The following CRYL1 variants were observed in gnomAD, a reference collection of about 807,000 sequenced individuals.
CRYL1 encodes the protein lambda-crystallin homolog.
CRYL1 carries 29 observed loss-of-function variants against 36.6 expected under a neutral mutation model. The observed-to-expected ratio is 0.79, with a 90% CI of 0.59 to 1.08. The LOEUF (loss-of-function observed/expected upper bound fraction) is 1.08, where lower values mean the gene tolerates loss of function less well. Ranked by LOEUF, CRYL1 falls within the 50% of genes least tolerant of loss-of-function variation. The pLI, the probability that CRYL1 is intolerant of heterozygous loss-of-function variation, is 0.00. For missense variants in CRYL1, 411 were observed against 407.9 expected (o/e 1.01, Z -0.06); for synonymous variants, 152 against 151.5 (o/e 1.00, Z -0.02).
At chr13:20,420,408 C>CCACT (rs1175201218) in intron 5 of CRYL1, among the ~76,000 whole-genome samples, 7 of 152,110 alleles carry the variant, frequency 4.6e-5, no homozygotes, top group Middle Eastern at 6.8e-3. Context: ...CAGGCTGAGC[C>CCACT]CACTCCCAGA....
chr13:20,404,287 A>G (rs2031307317), intron 7 of CRYL1, 45 bp from the exon 8 acceptor site: 2 of 1,286,598 alleles, frequency 1.6e-6, no homozygotes, highest in East Asian at 4.6e-5. Flanking sequence ...AGAGGAAATA[A>G]TTTATCAAGA....
chr13:20,496,394 T>C (rs1277116440), intron 2 of CRYL1, among the ~76,000 whole-genome samples: 1 of 152,186 alleles, frequency 6.6e-6, no homozygotes, highest in Non-Finnish European at 1.5e-5. Flanking sequence ...CCAAACTTCA[T>C]GAGAACTAGA....
intron 2 of CRYL1, among the ~76,000 whole-genome samples, chr13:20,505,618 C>T (rs2033782917): frequency 6.6e-6 from 1 of 152,124 alleles, no homozygotes; most frequent in Non-Finnish European, 1.5e-5. Flanking sequence ...CCACACGTCA[C>T]TGCATAGTGA....
At chr13:20,427,759 A>C (rs1270471970) in intron 5 of CRYL1, among the ~76,000 whole-genome samples, 1 of 152,068 alleles carries the variant, frequency 6.6e-6, no homozygotes, top group African/African-American at 2.4e-5. Flanking sequence ...AAAATCAATA[A>C]AATTGATAAA....
intron 2 of CRYL1, among the ~76,000 whole-genome samples, chr13:20,500,104 C>T (rs929662670): frequency 6.6e-6 from 1 of 152,220 alleles, no homozygotes; most frequent in Non-Finnish European, 1.5e-5. Flanking sequence ...ATGGCTAACT[C>T]AACATGAAGC....
intron 6 of CRYL1, 40 bp from the exon 7 acceptor site, chr13:20,404,781 A>G: frequency 7.3e-7 from 1 of 1,376,242 alleles, no homozygotes; most frequent in Non-Finnish European, 1.0e-6. Context: ...ATCTCAGAAA[A>G]AAACATTCTT....
intron 3 of CRYL1, among the ~76,000 whole-genome samples, chr13:20,461,400 T>C (rs568673161): frequency 2.6e-5 from 4 of 152,206 alleles, no homozygotes; most frequent in Non-Finnish European, 5.9e-5. Context: ...TCTAGAACAT[T>C]TTAGTATTTC....
chr13:20,497,437 CACA>C (rs1370049695), intron 2 of CRYL1, among the ~76,000 whole-genome samples: 22 of 18,468 alleles, frequency 1.2e-3, no homozygotes, highest in Admixed American at 3.4e-3. Flanking sequence ...CCACCATACA[CACA>C]ACTACACACA....
At chr13:20,522,558 AT>A in intron 1 of CRYL1, among the ~76,000 whole-genome samples, 1 of 152,264 alleles carries the variant, frequency 6.6e-6, no homozygotes, top group South Asian at 2.1e-4. Context: ...CTATCTGTCT[AT>A]TGGGACCACG....
intron 2 of CRYL1, among the ~76,000 whole-genome samples, chr13:20,507,679 G>A (rs2033818875): frequency 6.6e-6 from 1 of 152,196 alleles, no homozygotes; most frequent in African/African-American, 2.4e-5. Flanking sequence ...AGCACTTTGG[G>A]AGGCCAAGGC....
intron 1 of CRYL1, among the ~76,000 whole-genome samples, chr13:20,517,412 C>T (rs538624196): frequency 4.0e-5 from 6 of 151,654 alleles, no homozygotes; most frequent in African/African-American, 7.3e-5. Context: ...CTGGCCAAAA[C>T]GGTGAAACTC....
At chr13:20,431,235 G>A (rs2032051389) in intron 5 of CRYL1, 3 of 985,318 alleles carry the variant, frequency 3.0e-6, no homozygotes, top group Non-Finnish European at 3.6e-6. Flanking sequence ...GGCAAGGCTC[G>A]GTGTGTGTCC....
rs932322241 is a variant in CRYL1 at position 20,432,156 on chromosome 13, G to A, written c.579C>T (p.Phe193=). ...TTGCATATTGCAGGCGGTTCAGAAC[G>A]AAGCCGGCCACCTCCTTCTGGACTC... ...PMRVQKEVAG[F]VLNRLQYAII... The change falls in exon 5 of 8, where the codon TTC becomes TTT. Residue 193 remains phenylalanine (F), a synonymous_variant. Transcript: ENST00000298248. 20 of 1,614,030 alleles carry A rather than the reference G, an allele frequency of 1.2e-5. No homozygotes were observed. Among genetic ancestry groups the A allele is most frequent in the South Asian group, 5.5e-5 (5 of 91,078 alleles).
chr13:20,476,456 C>G (rs568343165), intron 3 of CRYL1, among the ~76,000 whole-genome samples: 2 of 152,288 alleles, frequency 1.3e-5, no homozygotes, highest in Non-Finnish European at 2.9e-5. Context: ...AAAGGCCGCC[C>G]CTTGAAAGAA....
At chr13:20,515,725 G>A (rs2033987816) in intron 1 of CRYL1, 1 of 152,264 alleles carries the variant, frequency 6.6e-6, no homozygotes, top group Non-Finnish European at 1.5e-5. Flanking sequence ...ACTTACCTGA[G>A]GTACCCATAG....
At chr13:20,522,829 G>A (rs762621698) in intron 1 of CRYL1, among the ~76,000 whole-genome samples, 5 of 145,738 alleles carry the variant, frequency 3.4e-5, no homozygotes, top group African/African-American at 5.0e-5. Flanking sequence ...GAAACACAGT[G>A]TTTTATAAAG....
intron 6 of CRYL1, chr13:20,405,837 G>A (rs2031356577): frequency 6.6e-6 from 1 of 152,362 alleles, no homozygotes; most frequent in Non-Finnish European, 1.5e-5. Flanking sequence ...CCAGGGGAAA[G>A]CGCAGGCCAG....
intron 5 of CRYL1, among the ~76,000 whole-genome samples, chr13:20,426,092 A>T (rs987038750): frequency 1.4e-4 from 21 of 152,232 alleles, no homozygotes; most frequent in African/African-American, 5.1e-4. Context: ...GCTGAGGCTA[A>T]GCATGCAAGC....
chr13:20,493,764 G>T (rs113270790), intron 2 of CRYL1, among the ~76,000 whole-genome samples: 1 of 152,156 alleles, frequency 6.6e-6, no homozygotes, highest in African/African-American at 2.4e-5. Context: ...AACACAGCCC[G>T]TAGTGGAGTC....
Sources: allele counts gnomAD v4.1 joint callset (sites outside exome capture counted in the v4.1 genomes callset), GRCh38; gene constraint gnomAD v4.1.1; transcripts MANE v1.5; gene names NCBI Gene and HGNC (gene_info 2026-07-23, HGNC 2026-07-21).